Variants in PPP4R3A observed in about 807,000 individuals in gnomAD.
PPP4R3A encodes the protein serine/threonine-protein phosphatase 4 regulatory subunit 3A.
A neutral mutation model predicts 91.7 loss-of-function variants in PPP4R3A; 15 were observed. The observed-to-expected ratio is 0.16, with a 90% CI of 0.11 to 0.25. PPP4R3A has a LOEUF of 0.25. Among genes scored for constraint, PPP4R3A ranks in the 10% least tolerant of loss-of-function variants. PPP4R3A has a pLI of 1.00. For synonymous variants in PPP4R3A, 377 were observed against 348.7 expected (o/e 1.08, Z -0.91); for missense variants, 623 against 998.4 (o/e 0.62, Z 5.07).
chr14:91,480,446 T>C (rs1889488445), intron 4 of PPP4R3A, among the ~76,000 whole-genome samples: 1 of 152,212 alleles, frequency 6.6e-6, no homozygotes, highest in Non-Finnish European at 1.5e-5. Context: ...ACGTGGCTTT[T>C]GGTAGGGATA....
At chr14:91,492,595 G>T (rs1306395315) in intron 1 of PPP4R3A, among the ~76,000 whole-genome samples, 1 of 152,144 alleles carries the variant, frequency 6.6e-6, no homozygotes, top group African/African-American at 2.4e-5. Context: ...CTATGTCTAG[G>T]ACAGGTGACC....
chr14:91,479,203 G>A (rs576191011), intron 4 of PPP4R3A, among the ~76,000 whole-genome samples: 3 of 151,738 alleles, frequency 2.0e-5, no homozygotes, highest in South Asian at 4.2e-4. Context: ...GGCTGGTCTC[G>A]AACTCCCGAC....
At chr14:91,487,421 T>G (rs182304570) in intron 2 of PPP4R3A, among the ~76,000 whole-genome samples, 70 of 152,302 alleles carry the variant, frequency 4.6e-4, no homozygotes, top group Non-Finnish European at 8.7e-4. Context: ...TTACATTTAA[T>G]GGCTAACTTC....
At chr14:91,486,902 C>T (rs1196144775) in intron 2 of PPP4R3A, among the ~76,000 whole-genome samples, 4 of 70,754 alleles carry the variant, frequency 5.7e-5, no homozygotes, top group African/African-American at 2.0e-4. Flanking sequence ...AAAACTCTGT[C>T]TCCAAAAAAA....
At chr14:91,463,385 T>A (rs1035228749) in intron 11 of PPP4R3A, among the ~76,000 whole-genome samples, 1 of 151,802 alleles carries the variant, frequency 6.6e-6, no homozygotes, top group African/African-American at 2.4e-5. Flanking sequence ...CTTTACAAAG[T>A]AAATGCCCAG....
intron 14 of PPP4R3A, 102 bp downstream of exon 14, chr14:91,461,279 T>C: frequency 9.8e-7 from 1 of 1,018,444 alleles, no homozygotes; most frequent in Middle Eastern, 2.2e-4. Context: ...GGATGTTAAA[T>C]CAGTTCTAGG....
chr14:91,488,672 A>G (rs1350779271), intron 2 of PPP4R3A, among the ~76,000 whole-genome samples: 3 of 152,166 alleles, frequency 2.0e-5, no homozygotes, highest in African/African-American at 7.2e-5. Flanking sequence ...AGCACTTATT[A>G]TAAGGCTCCA....
intron 3 of PPP4R3A, among the ~76,000 whole-genome samples, chr14:91,484,763 A>C (rs993630829): frequency 3.3e-5 from 5 of 152,206 alleles, no homozygotes; most frequent in African/African-American, 1.2e-4. Context: ...ATTCAAAGGA[A>C]TTAAGGAATC....
intron 10 of PPP4R3A, among the ~76,000 whole-genome samples, chr14:91,466,961 A>ACACACACACACC (rs1212868050): frequency 6.6e-6 from 1 of 151,640 alleles, no homozygotes; most frequent in African/African-American, 2.4e-5. Flanking sequence ...ACACACACAC[A>ACACACACACACC]CACCCCTCTT....
intron 1 of PPP4R3A, among the ~76,000 whole-genome samples, chr14:91,506,361 C>T (rs934345843): frequency 6.6e-6 from 1 of 152,128 alleles, no homozygotes; most frequent in East Asian, 1.9e-4. Context: ...GTTAATAGCA[C>T]TAAATCAGAC....
rs376381635 is a variant in PPP4R3A at position 91,509,959 on chromosome 14, G to A, written c.-312C>T. ...CCCGCCCCGCAGCGCTAGGAACTCG[G>A]GGCTCCCGTCACTGCCCTGCTCCCG... is the stretch of plus-strand genomic sequence containing the variant. On this transcript the variant is annotated 5_prime_UTR_variant, in exon 1 of 15. Coordinates refer to ENST00000554943, the MANE Select transcript of PPP4R3A (RefSeq NM_001366432.2). The A allele has an allele frequency of 6.4e-5, 65 of 1,017,322 alleles. 1 individual carries two copies. In the East Asian group the frequency reaches 1.1e-3, roughly 18 times the overall value. 63.0% of individuals were successfully genotyped at this position (1,017,322 alleles called of 1,614,324 possible).
intron 14 of PPP4R3A, among the ~76,000 whole-genome samples, chr14:91,460,411 G>A (rs1050068629): frequency 5.9e-5 from 9 of 151,668 alleles, no homozygotes; most frequent in African/African-American, 1.2e-4. Flanking sequence ...CTTCTTAGCC[G>A]TCAGGAGTCT....
Position 91,457,741 on chromosome 14 carries a change from A to G in PPP4R3A, c.*1018T>C, listed in dbSNP as rs1039567939. ...AATTTCAGAATCTCTTTGGAATACT[A>G]ATTTCATGTTTCTAGATTTAACAAA... On this transcript the variant is annotated 3_prime_UTR_variant, in exon 15 of 15. Coordinates refer to ENST00000554943, the MANE Select transcript of PPP4R3A (RefSeq NM_001366432.2). The G allele has an allele frequency of 1.3e-5, 2 of 152,640 alleles. No individual in the cohort carries two copies. The highest frequency in any genetic ancestry group is 1.3e-4 in the Admixed American group (2 of 15,282). The allele number at this position is 152,640 out of a possible 1,614,324, so 9.5% of individuals were successfully genotyped here. A position where few individuals can be genotyped will look rare whatever the true frequency, so the allele number is the denominator to read the frequency against.
intron 1 of PPP4R3A, among the ~76,000 whole-genome samples, chr14:91,494,280 A>G (rs1272888803): frequency 6.6e-6 from 1 of 152,202 alleles, no homozygotes. Flanking sequence ...AAACTGCACA[A>G]AAGTACAACC....
At chr14:91,508,567 T>G (rs1339847191) in intron 1 of PPP4R3A, among the ~76,000 whole-genome samples, 2 of 152,230 alleles carry the variant, frequency 1.3e-5, no homozygotes, top group Non-Finnish European at 2.9e-5. Context: ...CACTTGAGTA[T>G]TTTAAGTGAA....
In PPP4R3A at chr14:91,498,827, T is replaced by G. The variant is rs186384842; in HGVS notation, c.143-8025A>C. Among the ~76,000 whole-genome samples, 116 of 150,680 alleles carry G rather than the reference T, an allele frequency of 7.7e-4. 1 individual carries two copies. The highest frequency in any genetic ancestry group is 2.7e-3 in the African/African-American group (112 of 40,962). Reference sequence around the variant, plus strand: ...CACTCGGGAGGCTGAGGCAGGAGAATTGCATGAACCCGGGAGGCGGAGCTT... The same window carrying G: ...CACTCGGGAGGCTGAGGCAGGAGAAGTGCATGAACCCGGGAGGCGGAGCTT... On this transcript the variant is annotated intron_variant, in intron 1 of 14. Transcript: ENST00000554943.
Position 91,458,132 on chromosome 14 carries a change from C to A in PPP4R3A, c.*627G>T, listed in dbSNP as rs1459742536. The stretch of plus-strand genomic sequence containing the variant: ...AACAAAAAAATTATGACACAAATGA[C>A]CACATCTAGAATTCCACTCAATCTT... On this transcript the variant is annotated 3_prime_UTR_variant, in exon 15 of 15. Coordinates refer to ENST00000554943, the MANE Select transcript of PPP4R3A (RefSeq NM_001366432.2). The A allele has an allele frequency of 6.6e-6, 1 of 152,164 alleles. No individual in the cohort carries two copies. Among genetic ancestry groups the A allele is most frequent in the Non-Finnish European group, 1.5e-5 (1 of 68,206 alleles). The allele number at this position is 152,164 out of a possible 1,614,324, so 9.4% of individuals were successfully genotyped here. A position where few individuals can be genotyped will look rare whatever the true frequency, so the allele number is the denominator to read the frequency against.
intron 10 of PPP4R3A, among the ~76,000 whole-genome samples, chr14:91,467,275 T>G (rs1202256172): frequency 1.4e-5 from 2 of 145,602 alleles, no homozygotes; most frequent in African/African-American, 5.1e-5. Flanking sequence ...ATTTTACCAG[T>G]AAGATCTAGG....
chr14:91,508,842 T>C (rs551165285), intron 1 of PPP4R3A, among the ~76,000 whole-genome samples: 3 of 152,324 alleles, frequency 2.0e-5, no homozygotes, highest in Non-Finnish European at 4.4e-5. Context: ...AAAGCTCATA[T>C]GATTCCAACT....
Sources: gnomAD v4.1 joint callset for allele counts (sites outside exome capture counted in the v4.1 genomes callset) on GRCh38, gnomAD v4.1.1 for gene constraint, MANE v1.5 for transcripts, NCBI Gene and HGNC (gene_info 2026-07-23, HGNC 2026-07-21) for gene names.